The following HPSE2 variants were observed in gnomAD, a reference collection of about 807,000 sequenced individuals.
The protein encoded by HPSE2 is inactive heparanase-2.
In HPSE2, 38 loss-of-function variants were observed where a neutral mutation model predicts 60.5. The observed-to-expected ratio is 0.63, with a 90% CI of 0.48 to 0.82. HPSE2 has a LOEUF of 0.82. Ranked by LOEUF, HPSE2 falls within the 40% of genes least tolerant of loss-of-function variation. HPSE2 has a pLI of 0.00. For missense variants in HPSE2, 713 were observed against 740.4 expected, an observed-to-expected ratio of 0.96 and a Z score of 0.43; for synonymous variants, 295 against 293.2, an observed-to-expected ratio of 1.01 and a Z score of -0.06.
At chr10:98,789,476 G>T (rs1331658022) in intron 3 of HPSE2, among the ~76,000 whole-genome samples, 2 of 152,214 alleles carry the variant, frequency 1.3e-5, no homozygotes, top group Non-Finnish European at 2.9e-5. Flanking sequence ...AAGTCAAATT[G>T]CAATGCAGGC....
At chr10:98,584,681 C>A (rs2133929150) in intron 9 of HPSE2, among the ~76,000 whole-genome samples, 1 of 152,294 alleles carries the variant, frequency 6.6e-6, no homozygotes, top group South Asian at 2.1e-4. Context: ...CTTCAAAACT[C>A]CCATAAATAT....
At chr10:98,816,635 G>T (rs900777216) in intron 3 of HPSE2, among the ~76,000 whole-genome samples, 2 of 152,112 alleles carry the variant, frequency 1.3e-5, no homozygotes, top group African/African-American at 4.8e-5. Context: ...CATCTCTCCA[G>T]CTGGAAGTAC....
At chr10:99,220,751 T>A (rs1165953790) in intron 2 of HPSE2, among the ~76,000 whole-genome samples, 1 of 144,124 alleles carries the variant, frequency 6.9e-6, no homozygotes, top group Admixed American at 7.1e-5. Flanking sequence ...TGCAGTGAGC[T>A]GAGACTGCAT....
chr10:99,100,022 T>A (rs1177907892), intron 3 of HPSE2, among the ~76,000 whole-genome samples: 1 of 152,000 alleles, frequency 6.6e-6, no homozygotes, highest in East Asian at 1.9e-4. Context: ...TAAAGGCAGA[T>A]AAAACCACAA....
intron 9 of HPSE2, among the ~76,000 whole-genome samples, chr10:98,609,244 T>A (rs555057589): frequency 6.6e-6 from 1 of 152,322 alleles, no homozygotes; most frequent in South Asian, 2.1e-4. Flanking sequence ...CAGTCCCTGC[T>A]AACTTGTCTA....
At chr10:98,567,438 T>C (rs2133889233) in intron 9 of HPSE2, among the ~76,000 whole-genome samples, 1 of 152,296 alleles carries the variant, frequency 6.6e-6, no homozygotes, top group East Asian at 1.9e-4. Context: ...CATAAAGCCA[T>C]GACCCCATGG....
chr10:99,073,594 AAACCTGCAC>A (rs1176018151), intron 3 of HPSE2, among the ~76,000 whole-genome samples: 1 of 152,200 alleles, frequency 6.6e-6, no homozygotes. Flanking sequence ...CCTATATAAC[AAACCTGCAC>A]AATCTGCACA....
chr10:99,114,954 A>G (rs904436750), intron 3 of HPSE2, among the ~76,000 whole-genome samples: 10 of 151,668 alleles, frequency 6.6e-5, no homozygotes, highest in African/African-American at 2.4e-4. Context: ...CACTTTAAAA[A>G]TATATATCCT....
At chr10:98,760,837 A>C (rs1949988408) in intron 3 of HPSE2, among the ~76,000 whole-genome samples, 2 of 152,092 alleles carry the variant, frequency 1.3e-5, no homozygotes, top group East Asian at 3.9e-4. Flanking sequence ...GGTCTCATAA[A>C]ATGGCTTTGA....
At chr10:98,625,283 A>T (rs1035510161) in intron 7 of HPSE2, among the ~76,000 whole-genome samples, 1 of 152,208 alleles carries the variant, frequency 6.6e-6, no homozygotes, top group Non-Finnish European at 1.5e-5. Flanking sequence ...TAAAATGAAA[A>T]CCTATTACAA....
the HPSE2 span, among the ~76,000 whole-genome samples, chr10:99,289,373 T>C: frequency 6.6e-6 from 1 of 151,994 alleles, no homozygotes; most frequent in African/African-American, 2.4e-5. Context: ...TTTGGAACTT[T>C]CTTCTTCGTT....
At chr10:98,693,630 G>C (rs922619819) in intron 6 of HPSE2, among the ~76,000 whole-genome samples, 2 of 152,334 alleles carry the variant, frequency 1.3e-5, no homozygotes. Context: ...CCTGTTCACT[G>C]ATGACAGATT....
At chr10:99,057,009 C>T (rs1958130092) in intron 3 of HPSE2, among the ~76,000 whole-genome samples, 1 of 152,042 alleles carries the variant, frequency 6.6e-6, no homozygotes, top group African/African-American at 2.4e-5. Flanking sequence ...AGTATATGAA[C>T]AGGTGAAATA....
At chr10:99,139,571 T>C (rs924066794) in intron 3 of HPSE2, among the ~76,000 whole-genome samples, 3 of 152,192 alleles carry the variant, frequency 2.0e-5, no homozygotes, top group Admixed American at 6.5e-5. Flanking sequence ...ATAGTTATGA[T>C]GTTTACTATA....
the HPSE2 span, among the ~76,000 whole-genome samples, chr10:99,244,568 A>ATTTTTTTT: frequency 1.4e-5 from 1 of 73,718 alleles, no homozygotes; most frequent in Non-Finnish European, 2.3e-5. Flanking sequence ...CTATGCCTGG[A>ATTTTTTTT]TTTTTTTTTT....
intron 9 of HPSE2, among the ~76,000 whole-genome samples, chr10:98,503,280 T>C (rs992019140): frequency 1.5e-4 from 22 of 149,356 alleles, no homozygotes; most frequent in South Asian, 4.3e-4. Flanking sequence ...ACATAACTAA[T>C]GATCAGGGAA....
At chr10:98,623,617 T>C (rs561738164) in intron 7 of HPSE2, among the ~76,000 whole-genome samples, 2 of 152,320 alleles carry the variant, frequency 1.3e-5, no homozygotes, top group South Asian at 2.1e-4. Flanking sequence ...TTCTGGGTTA[T>C]GCTACATGCT....
At chr10:99,029,518 G>A (rs1364876631) in intron 3 of HPSE2, among the ~76,000 whole-genome samples, 1 of 152,198 alleles carries the variant, frequency 6.6e-6, no homozygotes, top group Non-Finnish European at 1.5e-5. Flanking sequence ...AAGAGTGTGA[G>A]TCATCTCCAA....
the HPSE2 span, among the ~76,000 whole-genome samples, chr10:99,275,532 CCTT>C: frequency 1.3e-5 from 2 of 151,836 alleles, no homozygotes; most frequent in Non-Finnish European, 2.9e-5. Flanking sequence ...TTATGGTCAC[CCTT>C]CTTAAGTATT....
Sources: gnomAD v4.1 joint callset for allele counts (sites outside exome capture counted in the v4.1 genomes callset) on GRCh38, gnomAD v4.1.1 for gene constraint, MANE v1.5 for transcripts, NCBI Gene and HGNC (gene_info 2026-07-23, HGNC 2026-07-21) for gene names.